The following ITGA8 variants were observed in gnomAD, a reference collection of about 807,000 sequenced individuals.
ITGA8 encodes integrin alpha-8.
In ITGA8, 91 loss-of-function variants were observed where a neutral mutation model predicts 142.3. That is an observed-to-expected ratio of 0.64 (90% CI 0.54 to 0.76). ITGA8 has a LOEUF of 0.76. Among genes scored for constraint, ITGA8 ranks in the 30% least tolerant of loss-of-function variants. The pLI is 0.00. For synonymous variants in ITGA8, 505 were observed against 485.2 expected, an observed-to-expected ratio of 1.04 and a Z score of -0.54; for missense variants, 1,406 against 1,327.7, an observed-to-expected ratio of 1.06 and a Z score of -0.92.
chr10:15,529,057 T>C (rs1344672468), intron 28 of ITGA8, among the ~76,000 whole-genome samples: 4 of 139,420 alleles, frequency 2.9e-5, no homozygotes, highest in Non-Finnish European at 5.9e-5. Flanking sequence ...CCTTCCTTCC[T>C]TTCTTCCTTT....
At chr10:15,715,127 G>T (rs1455805490) in intron 2 of ITGA8, among the ~76,000 whole-genome samples, 1 of 151,962 alleles carries the variant, frequency 6.6e-6, no homozygotes, top group African/African-American at 2.4e-5. Flanking sequence ...TACGTTACTG[G>T]CACTGAGCAG....
intron 20 of ITGA8, 55 bp from the exon 21 acceptor site, chr10:15,597,354 C>G (rs2131601366): frequency 6.9e-7 from 1 of 1,439,666 alleles, no homozygotes; most frequent in South Asian, 1.1e-5. Flanking sequence ...CATCCTGACA[C>G]AAAAGCCATG....
chr10:15,694,519 A>G (rs1201752113), intron 2 of ITGA8, among the ~76,000 whole-genome samples: 3 of 137,896 alleles, frequency 2.2e-5, no homozygotes, highest in South Asian at 2.2e-4. Flanking sequence ...AATATATTAT[A>G]GATTTATAAT....
intron 27 of ITGA8, among the ~76,000 whole-genome samples, chr10:15,537,531 T>G (rs981151779): frequency 6.6e-6 from 1 of 152,168 alleles, no homozygotes; most frequent in African/African-American, 2.4e-5. Context: ...ACTATTGACT[T>G]TTTGCAGACA....
intron 2 of ITGA8, among the ~76,000 whole-genome samples, chr10:15,699,552 CATTTT>C (rs1217646504): frequency 6.6e-6 from 1 of 152,160 alleles, no homozygotes; most frequent in Non-Finnish European, 1.5e-5. Context: ...TAATAGTCTA[CATTTT>C]ATTTATCCAT....
intron 27 of ITGA8, 150 bp downstream of exon 27, chr10:15,548,305 C>T (rs763571143): frequency 4.9e-6 from 3 of 617,100 alleles, no homozygotes; most frequent in Non-Finnish European, 8.6e-6. Flanking sequence ...GTAGGCCAGG[C>T]TTGTCTCGAG....
At chr10:15,610,071 C>A (rs1003016976) in intron 15 of ITGA8, among the ~76,000 whole-genome samples, 1 of 152,058 alleles carries the variant, frequency 6.6e-6, no homozygotes, top group Non-Finnish European at 1.5e-5. Flanking sequence ...AATATCATTA[C>A]CAAATGGATG....
chr10:15,636,802 C>T (rs1302989132), intron 13 of ITGA8, among the ~76,000 whole-genome samples: 6 of 152,236 alleles, frequency 3.9e-5, no homozygotes, highest in South Asian at 4.2e-4. Context: ...TAAGGGGCAG[C>T]GAGGGAGCAG....
At chr10:15,677,880 T>C (rs1183752362) in intron 5 of ITGA8, among the ~76,000 whole-genome samples, 1 of 152,194 alleles carries the variant, frequency 6.6e-6, no homozygotes, top group Admixed American at 6.6e-5. Flanking sequence ...TTGAACTCTC[T>C]CCCTTGAGAG....
At position 15,703,266 on chromosome 10, in the gene ITGA8, C is replaced by A. The variant is rs76054264; in HGVS notation, c.344-15228G>T. Among the ~76,000 whole-genome samples, 897 of 152,252 alleles carry A rather than the reference C, an allele frequency of 5.9e-3. 7 individuals are homozygous for A. The highest frequency in any genetic ancestry group is 7.3e-3 in the Non-Finnish European group (495 of 68,018). ...TTTTCTGCTGTAATTATTTTCATGT[C>A]TAGACTGTCTTCCTTAAGAACAGAG... On this transcript the variant is annotated intron_variant, in intron 2 of 29. Transcript: ENST00000378076.
chr10:15,614,502 T>A (rs1833358914), intron 14 of ITGA8, among the ~76,000 whole-genome samples: 2 of 152,076 alleles, frequency 1.3e-5, no homozygotes, highest in Admixed American at 1.3e-4. Context: ...GTAGCCAAAT[T>A]TGAGGAGAGA....
Position 15,579,677 on chromosome 10 carries a change from C to T in ITGA8, c.2373-4083G>A, listed in dbSNP as rs183937800. Among the ~76,000 whole-genome samples the T allele has an allele frequency of 1.4e-3, 218 of 151,984 alleles. 1 individual carries two copies. Among genetic ancestry groups the T allele is most frequent in the African/African-American group, 5.0e-3 (207 of 41,512 alleles). ...TGATTTTTAAAAATAGCAATTTTCT[C>T]ATCGAGAGAGATAGGAGAATGAAAT... On this transcript the variant is annotated intron_variant, in intron 23 of 29. Transcript: ENST00000378076.
intron 15 of ITGA8, among the ~76,000 whole-genome samples, chr10:15,610,895 GTTTTTC>G (rs1833281978): frequency 2.0e-5 from 3 of 152,158 alleles, no homozygotes; most frequent in Middle Eastern, 6.8e-3. Context: ...TATTTCGCTA[GTTTTTC>G]TTTTTGTAAT....
chr10:15,662,917 G>C (rs1473907122), intron 8 of ITGA8, among the ~76,000 whole-genome samples: 1 of 152,204 alleles, frequency 6.6e-6, no homozygotes, highest in Non-Finnish European at 1.5e-5. Flanking sequence ...TCACTCTAAA[G>C]TGACAACAAA....
chr10:15,626,186 A>G (rs1833578512), intron 13 of ITGA8, among the ~76,000 whole-genome samples: 2 of 152,196 alleles, frequency 1.3e-5, no homozygotes, highest in South Asian at 4.1e-4. Context: ...AAACCTGTCT[A>G]TAAAATCCAG....
Position 15,592,224 on chromosome 10 carries a change from C to G in ITGA8, c.2291+1G>C. Reference sequence around the variant, plus strand: ...ACGATATAGGCATGTAAAGGTCTAACCTTCTGATTTGGAGATCGAAGTTAA... The same window carrying G: ...ACGATATAGGCATGTAAAGGTCTAAGCTTCTGATTTGGAGATCGAAGTTAA... On this transcript the variant is annotated splice_donor_variant, in intron 22 of 29. Coordinates refer to ENST00000378076, the MANE Select transcript of ITGA8 (RefSeq NM_003638.3). LOFTEE classifies it high-confidence loss of function. 6.2e-7 allele frequency: 1 copy of G among 1,610,508 alleles called. No homozygotes were observed. Among genetic ancestry groups the G allele is most frequent in the Non-Finnish European group, 8.5e-7 (1 of 1,176,932 alleles).
chr10:15,570,871 G>C (rs1834167441), intron 25 of ITGA8, among the ~76,000 whole-genome samples: 1 of 152,148 alleles, frequency 6.6e-6, no homozygotes, highest in Non-Finnish European at 1.5e-5. Flanking sequence ...AAAAGAGTTA[G>C]AGGTCTCTGC....
At position 15,712,426 on chromosome 10, in the gene ITGA8, A is replaced by G. The variant is rs140203434; in HGVS notation, c.343+6340T>C. ...GTGAAACCCTGTCTCTACTGAAAAT[A>G]CAAAACAAAACAAAAAATCACACAA... On this transcript the variant is annotated intron_variant, in intron 2 of 29. Transcript: ENST00000378076. 2.0e-3 allele frequency among the ~76,000 whole-genome samples: 304 copies of G among 152,140 alleles called. 2 individuals are homozygous for G. Among genetic ancestry groups the G allele is most frequent in the African/African-American group, 7.0e-3 (292 of 41,510 alleles).
intron 20 of ITGA8, among the ~76,000 whole-genome samples, chr10:15,603,932 G>A (rs895957040): frequency 6.6e-6 from 1 of 152,132 alleles, no homozygotes; most frequent in Non-Finnish European, 1.5e-5. Flanking sequence ...TGATCGCATT[G>A]GTAAGCTTCT....
Sources: gnomAD v4.1 joint callset for allele counts (sites outside exome capture counted in the v4.1 genomes callset) on GRCh38, gnomAD v4.1.1 for gene constraint, MANE v1.5 for transcripts, NCBI Gene and HGNC (gene_info 2026-07-23, HGNC 2026-07-21) for gene names.